The following GULP1 variants were observed in gnomAD, a reference collection of about 807,000 sequenced individuals.
GULP1 encodes PTB domain-containing engulfment adapter protein 1.
GULP1 carries 19 observed loss-of-function variants against 40.9 expected under a neutral mutation model. The observed-to-expected ratio is 0.46, with a 90% CI of 0.32 to 0.68. GULP1 has a LOEUF of 0.68. GULP1 is among the 30% of genes least tolerant of loss of function. The pLI is 0.03. For missense variants in GULP1, 312 were observed against 362.2 expected (o/e 0.86, Z 1.12); for synonymous variants, 119 against 117.6 (o/e 1.01, Z -0.08).
intron 2 of GULP1, among the ~76,000 whole-genome samples, chr2:188,462,216 T>A (rs1011181319): frequency 2.6e-5 from 4 of 152,190 alleles, no homozygotes; most frequent in African/African-American, 9.6e-5. Context: ...TTGTGTAATT[T>A]TTATGTCTTT....
intron 1 of GULP1, among the ~76,000 whole-genome samples, chr2:188,300,874 T>G (rs972370720): frequency 2.0e-5 from 3 of 152,176 alleles, no homozygotes; most frequent in South Asian, 2.1e-4. Flanking sequence ...GACAATACTG[T>G]CAAGATCACA....
At chr2:188,481,053 T>A (rs1559290703) in intron 3 of GULP1, among the ~76,000 whole-genome samples, 3 of 151,926 alleles carry the variant, frequency 2.0e-5, no homozygotes, top group Admixed American at 6.6e-5. Context: ...TCTAGATGCA[T>A]TTTGAAAACC....
At chr2:188,386,720 T>C (rs1479867943) in intron 2 of GULP1, among the ~76,000 whole-genome samples, 1 of 152,172 alleles carries the variant, frequency 6.6e-6, no homozygotes, top group Non-Finnish European at 1.5e-5. Flanking sequence ...AGTTTACCGG[T>C]AGAAGGTAGT....
intron 7 of GULP1, among the ~76,000 whole-genome samples, chr2:188,567,949 C>T (rs1698153799): frequency 6.6e-6 from 1 of 152,042 alleles, no homozygotes; most frequent in Non-Finnish European, 1.5e-5. Context: ...AGTCAATGAA[C>T]ATGCATACAT....
intron 7 of GULP1, among the ~76,000 whole-genome samples, chr2:188,546,973 A>G (rs952669276): frequency 1.8e-4 from 28 of 152,150 alleles, no homozygotes; most frequent in African/African-American, 6.3e-4. Flanking sequence ...TTATTTAGGA[A>G]CAATATTACC....
rs1433049503 is a variant in GULP1, at chr2:188,595,557, G to T, written c.*1546G>T. 1 of 152,040 alleles carries T rather than the reference G, an allele frequency of 6.6e-6. No homozygotes were observed. The highest frequency in any genetic ancestry group is 6.6e-5 in the Admixed American group (1 of 15,176). 9.4% of individuals were successfully genotyped at this position (152,040 alleles called of 1,614,324 possible). A position where few individuals can be genotyped will look rare whatever the true frequency, so the allele number is the denominator to read the frequency against. ...TCTTTATAATTTTGTTTGTCAGATA[G>T]TATTTTGGAATTTGTATAATAAGGA... is the stretch of plus-strand genomic sequence containing the variant. On this transcript the variant is annotated 3_prime_UTR_variant, in exon 12 of 12. Coordinates refer to ENST00000409830, the MANE Select transcript of GULP1 (RefSeq NM_016315.4).
chr2:188,375,877 C>T (rs750800653), intron 1 of GULP1, among the ~76,000 whole-genome samples: 12 of 152,076 alleles, frequency 7.9e-5, no homozygotes, highest in Non-Finnish European at 1.6e-4. Flanking sequence ...TATGTTCACT[C>T]CCCTGTATCC....
intron 6 of GULP1, among the ~76,000 whole-genome samples, chr2:188,529,615 C>T (rs928766346): frequency 6.6e-6 from 1 of 152,038 alleles, no homozygotes; most frequent in African/African-American, 2.4e-5. Context: ...AACAAAACAC[C>T]ACAAACTGGG....
At chr2:188,456,390 C>T (rs1430502686) in intron 2 of GULP1, among the ~76,000 whole-genome samples, 3 of 152,102 alleles carry the variant, frequency 2.0e-5, no homozygotes, top group Non-Finnish European at 4.4e-5. Flanking sequence ...GAACTTGGTG[C>T]CTTCCATCCC....
At chr2:188,353,073 G>T (rs2044728781) in intron 1 of GULP1, among the ~76,000 whole-genome samples, 2 of 152,078 alleles carry the variant, frequency 1.3e-5, no homozygotes, top group Non-Finnish European at 2.9e-5. Flanking sequence ...AAATTCATGG[G>T]ATAATAAATA....
At chr2:188,516,814 G>C (rs932889581) in intron 4 of GULP1, among the ~76,000 whole-genome samples, 11 of 152,106 alleles carry the variant, frequency 7.2e-5, no homozygotes, top group Non-Finnish European at 1.5e-5. Flanking sequence ...AATTGTTCTA[G>C]TTCGTATCTT....
At chr2:188,473,747 G>T (rs1046248664) in intron 2 of GULP1, among the ~76,000 whole-genome samples, 1 of 152,002 alleles carries the variant, frequency 6.6e-6, no homozygotes, top group Admixed American at 6.6e-5. Context: ...GCAACCCCAA[G>T]AGACGAGTTG....
At chr2:188,328,412 A>G (rs998657508) in intron 1 of GULP1, among the ~76,000 whole-genome samples, 5 of 152,112 alleles carry the variant, frequency 3.3e-5, no homozygotes, top group African/African-American at 1.2e-4. Context: ...GATATCTTCT[A>G]GCGTTTTTCT....
chr2:188,477,839 A>G, intron 3 of GULP1, 109 bp downstream of exon 3: 1 of 791,920 alleles, frequency 1.3e-6, no homozygotes, highest in South Asian at 1.8e-5. Context: ...CCTGGCCCAG[A>G]AATGAAGTTA....
chr2:188,537,766 A>T (rs907854209), intron 6 of GULP1, among the ~76,000 whole-genome samples: 4 of 151,162 alleles, frequency 2.6e-5, no homozygotes, highest in Non-Finnish European at 1.5e-5. Context: ...ATTGGTACCA[A>T]CTCTTCTTTG....
rs151325732 is a variant in GULP1 at position 188,408,183 on chromosome 2, C to T, written c.-45+24294C>T. 5.6e-4 allele frequency among the ~76,000 whole-genome samples: 85 copies of T among 152,286 alleles called. 1 individual carries two copies. Among genetic ancestry groups the T allele is most frequent in the Non-Finnish European group, 7.6e-4 (52 of 68,020 alleles). ...ACCGGAGCTAACACATTTGCTCTGT[C>T]TTGCCATGTGATGCCTCCCACCATT... On this transcript the variant is annotated intron_variant, in intron 2 of 11. Coordinates refer to ENST00000409830, the MANE Select transcript of GULP1 (RefSeq NM_016315.4).
At chr2:188,580,680 C>T (rs189062827) in intron 9 of GULP1, among the ~76,000 whole-genome samples, 185 of 152,220 alleles carry the variant, frequency 1.2e-3, no homozygotes, top group African/African-American at 4.2e-3. Flanking sequence ...GAACCCTTCC[C>T]TCAATTTAAT....
At chr2:188,494,059 A>G (rs1193622042) in intron 4 of GULP1, among the ~76,000 whole-genome samples, 1 of 151,984 alleles carries the variant, frequency 6.6e-6, no homozygotes, top group Non-Finnish European at 1.5e-5. Context: ...TGATGAACTC[A>G]TTGACTTAAC....
At chr2:188,457,293 T>C (rs2059346755) in intron 2 of GULP1, among the ~76,000 whole-genome samples, 3 of 152,160 alleles carry the variant, frequency 2.0e-5, no homozygotes, top group African/African-American at 7.2e-5. Context: ...CCCACCCAAA[T>C]ATCAGCTTGA....
Sources: allele counts gnomAD v4.1 joint callset (sites outside exome capture counted in the v4.1 genomes callset), GRCh38; gene constraint gnomAD v4.1.1; transcripts MANE v1.5; gene names NCBI Gene and HGNC (gene_info 2026-07-23, HGNC 2026-07-21).